CDKAL1: variants seen among roughly 807,000 people sequenced by gnomAD.
The protein encoded by CDKAL1 is threonylcarbamoyladenosine tRNA methylthiotransferase.
CDKAL1 carries 32 observed loss-of-function variants against 68.2 expected under a neutral mutation model. The ratio of observed to expected loss-of-function variants is 0.47; its 90% CI spans 0.35 to 0.63. The LOEUF is 0.63. Ranked by LOEUF, CDKAL1 falls within the 30% of genes least tolerant of loss-of-function variation. CDKAL1 has a pLI of 0.00. For synonymous variants in CDKAL1, 234 were observed against 244.3 expected, an observed-to-expected ratio of 0.96 and a Z score of 0.39; for missense variants, 606 against 696.7, an observed-to-expected ratio of 0.87 and a Z score of 1.47.
intron 9 of CDKAL1, among the ~76,000 whole-genome samples, chr6:20,901,711 A>AAAG (rs1170692052): frequency 6.6e-6 from 1 of 150,730 alleles, no homozygotes; most frequent in Non-Finnish European, 1.5e-5. Flanking sequence ...AAAGAAAAGA[A>AAAG]ACACAGTTTT....
At chr6:20,934,472 C>A (rs1763610043) in intron 9 of CDKAL1, among the ~76,000 whole-genome samples, 1 of 152,054 alleles carries the variant, frequency 6.6e-6, no homozygotes, top group African/African-American at 2.4e-5. Flanking sequence ...TCATTTGTGG[C>A]CTTCTGTTTC....
chr6:20,640,792 C>G (rs1416718476), intron 4 of CDKAL1, among the ~76,000 whole-genome samples: 1 of 152,126 alleles, frequency 6.6e-6, no homozygotes. Context: ...CCTGCCAACC[C>G]TCTCACCGTG....
chr6:20,721,804 C>T (rs1032279039), intron 5 of CDKAL1, among the ~76,000 whole-genome samples: 1 of 139,534 alleles, frequency 7.2e-6, no homozygotes, highest in African/African-American at 2.7e-5. Flanking sequence ...ATGGTATCAG[C>T]TCACTGCAAC....
chr6:20,978,459 T>G (rs975344162), intron 10 of CDKAL1, among the ~76,000 whole-genome samples: 1 of 152,250 alleles, frequency 6.6e-6, no homozygotes, highest in Non-Finnish European at 1.5e-5. Flanking sequence ...TGAAGGAGGC[T>G]ATTTGATACT....
intron 11 of CDKAL1, among the ~76,000 whole-genome samples, chr6:21,050,410 A>G (rs1399657487): frequency 6.6e-6 from 1 of 152,144 alleles, no homozygotes; most frequent in Admixed American, 6.5e-5. Context: ...GAGCTCTTGT[A>G]CTGCGCCCAA....
intron 5 of CDKAL1, among the ~76,000 whole-genome samples, chr6:20,652,986 A>C (rs1479484359): frequency 6.6e-6 from 1 of 152,088 alleles, no homozygotes; most frequent in Non-Finnish European, 1.5e-5. Context: ...CGTATTTTGA[A>C]CTTTATCTGT....
chr6:20,792,011 G>GC (rs899094388), intron 8 of CDKAL1, among the ~76,000 whole-genome samples: 2 of 151,674 alleles, frequency 1.3e-5, no homozygotes, highest in African/African-American at 4.8e-5. Context: ...AACTTGTGTA[G>GC]CCCAACTTTA....
chr6:21,231,084 T>C lies in CDKAL1; in HGVS notation c.*45T>C, dbSNP rs1451559924. On this transcript the variant is annotated 3_prime_UTR_variant, in exon 16 of 16. Coordinates refer to ENST00000274695, the MANE Select transcript of CDKAL1 (RefSeq NM_017774.3). ...TCTATAAAGAAGAATACATTTCTAA[T>C]TAAAATCTTCAATGAACAGGAAAGC... 3 of 1,446,060 alleles carry C rather than the reference T, an allele frequency of 2.1e-6. No individual in the cohort carries two copies. In the Admixed American group the frequency reaches 5.8e-5, roughly 28 times the overall value. 89.6% of individuals were successfully genotyped at this position (1,446,060 alleles called of 1,614,324 possible).
At chr6:20,608,030 G>A (rs1384294961) in intron 4 of CDKAL1, among the ~76,000 whole-genome samples, 6 of 151,920 alleles carry the variant, frequency 3.9e-5, no homozygotes, top group Admixed American at 2.6e-4. Flanking sequence ...AATAGCTCAG[G>A]GTACTTACAT....
Position 21,067,127 on chromosome 6 carries a change from A to G in CDKAL1, c.1236+1899A>G, listed in dbSNP as rs551546670. On this transcript the variant is annotated intron_variant, in intron 12 of 15. Coordinates refer to ENST00000274695, the MANE Select transcript of CDKAL1 (RefSeq NM_017774.3). ...TTTGTAAAGTGAATACTTCCTTATA[A>G]CTACCAGTCAGATCAAGAAATTGAA... 2.0e-5 allele frequency among the ~76,000 whole-genome samples: 3 copies of G among 152,268 alleles called. No homozygotes were observed. In the South Asian group the frequency reaches 6.2e-4, roughly 32 times the overall value.
chr6:21,205,995 C>T (rs942549233), intron 15 of CDKAL1, among the ~76,000 whole-genome samples: 34 of 147,556 alleles, frequency 2.3e-4, no homozygotes, highest in Middle Eastern at 6.9e-3. Flanking sequence ...CCACCGCGCC[C>T]GGCTAATTTT....
chr6:20,673,465 A>G (rs1470791909), intron 5 of CDKAL1, among the ~76,000 whole-genome samples: 1 of 152,208 alleles, frequency 6.6e-6, no homozygotes, highest in African/African-American at 2.4e-5. Context: ...AAATGAAAAG[A>G]TCTGTACATG....
intron 8 of CDKAL1, among the ~76,000 whole-genome samples, chr6:20,789,065 A>G (rs1043191748): frequency 1.3e-5 from 2 of 152,200 alleles, no homozygotes; most frequent in Non-Finnish European, 2.9e-5. Flanking sequence ...ATTGTTTTGT[A>G]GAAAAGAGAA....
intron 10 of CDKAL1, among the ~76,000 whole-genome samples, chr6:20,957,527 G>A (rs183117558): frequency 1.2e-3 from 188 of 152,310 alleles, no homozygotes; most frequent in Middle Eastern, 6.8e-3. Context: ...TGATGGTCAT[G>A]ACATTATATT....
intron 11 of CDKAL1, among the ~76,000 whole-genome samples, chr6:21,059,978 A>G (rs1771057604): frequency 6.6e-6 from 1 of 152,030 alleles, no homozygotes; most frequent in Non-Finnish European, 1.5e-5. Flanking sequence ...GTGTACCCAT[A>G]GCTTAGCTCC....
At chr6:20,686,615 G>A (rs910302750) in intron 5 of CDKAL1, among the ~76,000 whole-genome samples, 4 of 152,164 alleles carry the variant, frequency 2.6e-5, no homozygotes, top group African/African-American at 9.7e-5. Flanking sequence ...CACAATAAAT[G>A]TAATGCGCTT....
At chr6:21,058,518 G>C (rs1770959603) in intron 11 of CDKAL1, among the ~76,000 whole-genome samples, 1 of 152,162 alleles carries the variant, frequency 6.6e-6, no homozygotes. Flanking sequence ...TTACATTTAA[G>C]GCTAATATTG....
chr6:21,049,828 T>C (rs547011217), intron 11 of CDKAL1, among the ~76,000 whole-genome samples: 2 of 152,210 alleles, frequency 1.3e-5, no homozygotes, highest in African/African-American at 4.8e-5. Context: ...TTTTTTTTTT[T>C]TTTTAGCCTA....
chr6:20,862,220 T>C (rs924965656), intron 9 of CDKAL1, among the ~76,000 whole-genome samples: 4 of 152,210 alleles, frequency 2.6e-5, no homozygotes, highest in African/African-American at 9.6e-5. Flanking sequence ...ACACAGCCAG[T>C]GGCCAAGTGG....
Sources: gnomAD v4.1 joint callset for allele counts (sites outside exome capture counted in the v4.1 genomes callset) on GRCh38, gnomAD v4.1.1 for gene constraint, MANE v1.5 for transcripts, NCBI Gene and HGNC (gene_info 2026-07-23, HGNC 2026-07-21) for gene names.